The following KDM4C variants were observed in gnomAD, a reference collection of about 807,000 sequenced individuals.
KDM4C encodes the protein lysine demethylase 4C.
Under a neutral mutation model 129.3 loss-of-function variants are expected in KDM4C, and 81 were observed. The observed-to-expected ratio is 0.63, with a 90% CI of 0.52 to 0.75. KDM4C has a LOEUF of 0.75. KDM4C is among the 30% of genes least tolerant of loss of function. KDM4C has a pLI of 0.00. For missense variants in KDM4C, 1,457 were observed against 1,304.0 expected (o/e 1.12, Z -1.81); for synonymous variants, 573 against 456.1 (o/e 1.26, Z -3.26).
chr9:6,960,357 G>A (rs1434652734), intron 8 of KDM4C, among the ~76,000 whole-genome samples: 1 of 148,642 alleles, frequency 6.7e-6, no homozygotes, highest in East Asian at 2.0e-4. Context: ...ATAGCTCACT[G>A]CAGCCTGGAC....
intron 12 of KDM4C, among the ~76,000 whole-genome samples, chr9:7,004,528 A>G (rs1218204838): frequency 1.3e-5 from 2 of 152,182 alleles, no homozygotes; most frequent in African/African-American, 2.4e-5. Context: ...GTCATACTGT[A>G]TATTTCATTA....
At position 7,011,849 on chromosome 9, in the gene KDM4C, C is replaced by T; in HGVS notation, c.1938C>T (p.Ala646=). ...TGGCCAGGATGAAGCCACACTGTGCCATCTGCACTCTGCTCATGCCGTACC... is the reference window on the plus strand; with the variant it reads ...TGGCCAGGATGAAGCCACACTGTGCTATCTGCACTCTGCTCATGCCGTACC... ...ATVARMKPHC[A]ICTLLMPYHK... is the part of the protein sequence containing the mutation. Residue 646 remains alanine (A), a synonymous_variant, in exon 13 of 22, where the codon GCC becomes GCT. Coordinates refer to ENST00000381309, the MANE Select transcript of KDM4C (RefSeq NM_015061.6). 1.2e-6 allele frequency: 2 copies of T among 1,613,874 alleles called. No homozygotes were observed. Among genetic ancestry groups the T allele is most frequent in the East Asian group, 2.2e-5 (1 of 44,884 alleles).
intron 6 of KDM4C, among the ~76,000 whole-genome samples, chr9:6,883,814 A>T (rs150105657): frequency 2.0e-5 from 3 of 152,104 alleles, no homozygotes; most frequent in Non-Finnish European, 4.4e-5. Context: ...TTTGATCCCA[A>T]TGTTCTTGGC....
Position 7,011,572 on chromosome 9 carries a change from A to G in KDM4C, c.1787-126A>G, listed in dbSNP as rs1822697618. On this transcript the variant is annotated intron_variant, in intron 12 of 21. Transcript: ENST00000381309. ...GGCTCTCTCAGGATGTATTTGAAAG[A>G]CAAAGTAGGTTTGGTTTCCGGCCTT... 5.0e-6 allele frequency: 4 copies of G among 800,452 alleles called. No homozygotes were observed. The East Asian group carries it at 1.0e-4, about 20-fold the overall frequency. 49.6% of individuals were successfully genotyped at this position (800,452 alleles called of 1,614,324 possible).
At chr9:6,858,754 A>T (rs1366387309) in intron 5 of KDM4C, among the ~76,000 whole-genome samples, 1 of 150,906 alleles carries the variant, frequency 6.6e-6, no homozygotes, top group Non-Finnish European at 1.5e-5. Context: ...CCTGGGTGAC[A>T]GAGTGATTTT....
At chr9:7,109,894 G>A (rs1045223142) in intron 18 of KDM4C, among the ~76,000 whole-genome samples, 1 of 152,122 alleles carries the variant, frequency 6.6e-6, no homozygotes. Context: ...GAGGTAATTG[G>A]ATCATGGTGG....
intron 6 of KDM4C, among the ~76,000 whole-genome samples, chr9:6,884,059 A>G (rs1383780805): frequency 3.3e-5 from 5 of 152,178 alleles, no homozygotes; most frequent in African/African-American, 7.2e-5. Context: ...GGAGATTAAA[A>G]CAAGCCACTT....
intron 18 of KDM4C, among the ~76,000 whole-genome samples, chr9:7,114,597 A>T (rs1301097744): frequency 6.6e-6 from 1 of 152,178 alleles, no homozygotes; most frequent in African/African-American, 2.4e-5. Flanking sequence ...TAAAACTGCA[A>T]ATTGACCCTG....
intron 2 of KDM4C, among the ~76,000 whole-genome samples, chr9:6,795,053 C>T (rs970024319): frequency 2.6e-5 from 4 of 152,138 alleles, no homozygotes; most frequent in African/African-American, 9.7e-5. Context: ...GTAGACTTGT[C>T]AATATCACTG....
intron 21 of KDM4C, 23 bp from the exon 22 acceptor site, chr9:7,174,529 CA>C: frequency 6.2e-7 from 1 of 1,610,892 alleles, no homozygotes; most frequent in Non-Finnish European, 8.5e-7. Flanking sequence ...TGCCCTTTTG[CA>C]ATATAACACC....
intron 18 of KDM4C, among the ~76,000 whole-genome samples, chr9:7,120,048 C>A (rs1489760168): frequency 6.6e-6 from 1 of 152,104 alleles, no homozygotes; most frequent in Admixed American, 6.5e-5. Flanking sequence ...TTTTTTTAAA[C>A]CCCATCCCAT....
chr9:6,757,271 G>T (rs868146330), upstream of KDM4C, among the ~76,000 whole-genome samples: 1 of 151,518 alleles, frequency 6.6e-6, no homozygotes, highest in Non-Finnish European at 1.5e-5. Flanking sequence ...GTTTCTGAGG[G>T]ACCGCCAGCC....
At chr9:6,895,843 G>A (rs1273485843) in intron 8 of KDM4C, among the ~76,000 whole-genome samples, 1 of 152,080 alleles carries the variant, frequency 6.6e-6, no homozygotes, top group African/African-American at 2.4e-5. Flanking sequence ...AGATAGTTTC[G>A]AATGTTTCAC....
At chr9:6,762,492 T>C (rs112679159) in intron 1 of KDM4C, among the ~76,000 whole-genome samples, 3,344 of 152,108 alleles carry the variant, frequency 0.022, 144 homozygotes, top group African/African-American at 0.076. Flanking sequence ...ATTTCTGTTA[T>C]GAATTTCTTA....
chr9:7,116,495 C>T (rs533877946), intron 18 of KDM4C, among the ~76,000 whole-genome samples: 1 of 152,154 alleles, frequency 6.6e-6, no homozygotes, highest in African/African-American at 2.4e-5. Flanking sequence ...CATTAGAGCA[C>T]CCCAGTTCTT....
At position 6,864,512 on chromosome 9, in the gene KDM4C, C is replaced by G. The variant is rs113780207; in HGVS notation, c.629+14812C>G. ...TTGGGTCATATCTGTTTGGTGATCT[C>G]TAACTTTTCTATACCTGGTGTGATC... is the stretch of plus-strand genomic sequence containing the variant. On this transcript the variant is annotated intron_variant, in intron 5 of 21. Transcript: ENST00000381309. 5.0e-3 allele frequency among the ~76,000 whole-genome samples: 761 copies of G among 152,236 alleles called. 6 individuals carry two copies. The highest frequency in any genetic ancestry group is 0.017 in the African/African-American group (722 of 41,550).
intron 1 of KDM4C, among the ~76,000 whole-genome samples, chr9:6,780,992 T>G (rs1445458414): frequency 1.3e-5 from 2 of 152,018 alleles, no homozygotes; most frequent in Non-Finnish European, 2.9e-5. Context: ...TCTGCTGATC[T>G]CTTTCCTTCT....
Position 6,800,637 on chromosome 9 carries a change from G to T in KDM4C, c.145-4962G>T, listed in dbSNP as rs371391264. 1.5e-4 allele frequency among the ~76,000 whole-genome samples: 23 copies of T among 151,934 alleles called. No individual in the cohort carries two copies. In the East Asian group the frequency reaches 3.9e-3, roughly 25 times the overall value. Reference sequence around the variant, plus strand: ...TTATTTTTTAATTTATTTTTATTTAGTTCTTTTGAGACAGGGTCTTGCTCT... The same window carrying T: ...TTATTTTTTAATTTATTTTTATTTATTTCTTTTGAGACAGGGTCTTGCTCT... On this transcript the variant is annotated intron_variant, in intron 2 of 21. Coordinates refer to ENST00000381309, the MANE Select transcript of KDM4C (RefSeq NM_015061.6).
At chr9:6,909,424 C>T (rs565020288) in intron 8 of KDM4C, among the ~76,000 whole-genome samples, 1 of 152,166 alleles carries the variant, frequency 6.6e-6, no homozygotes. Flanking sequence ...ACCATCTGAT[C>T]TAGCACATCC....
Sources: gnomAD v4.1 joint callset for allele counts (sites outside exome capture counted in the v4.1 genomes callset) on GRCh38, gnomAD v4.1.1 for gene constraint, MANE v1.5 for transcripts, NCBI Gene and HGNC (gene_info 2026-07-23, HGNC 2026-07-21) for gene names.